CDH12: variants seen among roughly 807,000 people sequenced by gnomAD.
CDH12 encodes cadherin-12.
Under a neutral mutation model 74.1 loss-of-function variants are expected in CDH12, and 41 were observed. That is an observed-to-expected ratio of 0.55 (90% confidence interval 0.43 to 0.72). The LOEUF (loss-of-function observed/expected upper bound fraction) is 0.72, where lower values mean the gene tolerates loss of function less well. CDH12 is among the 30% of genes least tolerant of loss of function. The probability of loss-of-function intolerance (pLI) is 0.00; values close to 1 mark genes in which losing one functional copy is unlikely to be tolerated. For synonymous variants in CDH12, 399 were observed against 355.0 expected, an observed-to-expected ratio of 1.12 and a Z score of -1.39; for missense variants, 945 against 977.2, an observed-to-expected ratio of 0.97 and a Z score of 0.44.
At chr5:22,828,560 C>T (rs1736444138) in intron 1 of CDH12, among the ~76,000 whole-genome samples, 1 of 152,050 alleles carries the variant, frequency 6.6e-6, no homozygotes, top group Non-Finnish European at 1.5e-5. Context: ...GTGACTGAAT[C>T]CAATAACAGC....
intron 3 of CDH12, among the ~76,000 whole-genome samples, chr5:22,317,637 T>C (rs1426967586): frequency 6.6e-6 from 1 of 152,136 alleles, no homozygotes; most frequent in Non-Finnish European, 1.5e-5. Context: ...AATGACAAGT[T>C]CTATATACAT....
intron 7 of CDH12, among the ~76,000 whole-genome samples, chr5:21,849,871 T>C (rs548935133): frequency 6.6e-6 from 1 of 151,848 alleles, no homozygotes; most frequent in African/African-American, 2.4e-5. Flanking sequence ...ATTGCAACAT[T>C]ATTCCCAATA....
At chr5:21,994,167 C>A (rs538623248) in intron 5 of CDH12, among the ~76,000 whole-genome samples, 165 of 151,792 alleles carry the variant, frequency 1.1e-3, no homozygotes, top group Non-Finnish European at 1.9e-3. Context: ...TAATCATGGG[C>A]AGCTTTTTAG....
intron 1 of CDH12, among the ~76,000 whole-genome samples, chr5:22,538,921 G>A (rs980933817): frequency 5.3e-5 from 8 of 152,074 alleles, no homozygotes; most frequent in Non-Finnish European, 1.0e-4. Flanking sequence ...TTAGAGACAG[G>A]GTCTGATTTT....
At chr5:22,244,903 G>C (rs1752893732) in intron 3 of CDH12, among the ~76,000 whole-genome samples, 1 of 152,020 alleles carries the variant, frequency 6.6e-6, no homozygotes, top group South Asian at 2.1e-4. Flanking sequence ...GGTAATATTT[G>C]AGTATAGACC....
intron 3 of CDH12, among the ~76,000 whole-genome samples, chr5:22,300,540 A>G (rs1373769637): frequency 6.6e-6 from 1 of 152,216 alleles, no homozygotes; most frequent in African/African-American, 2.4e-5. Context: ...CAGCCCTGCC[A>G]TACTCCAGTT....
At chr5:21,846,602 CA>C (rs1750184248) in intron 7 of CDH12, among the ~76,000 whole-genome samples, 1 of 152,012 alleles carries the variant, frequency 6.6e-6, no homozygotes, top group South Asian at 2.1e-4. Flanking sequence ...GAATCTTAAT[CA>C]AAAAATAGAT....
chr5:22,109,816 C>T (rs776057184), intron 4 of CDH12, among the ~76,000 whole-genome samples: 1 of 152,120 alleles, frequency 6.6e-6, no homozygotes, highest in Non-Finnish European at 1.5e-5. Context: ...GTGAAAAATT[C>T]AATTGACATA....
intron 6 of CDH12, among the ~76,000 whole-genome samples, chr5:21,968,712 G>A (rs957632414): frequency 5.9e-5 from 9 of 152,134 alleles, no homozygotes; most frequent in South Asian, 2.1e-4. Flanking sequence ...TTTGGTGAGT[G>A]TGTAGTAAGT....
chr5:22,627,851 G>T (rs1017355649), intron 1 of CDH12, among the ~76,000 whole-genome samples: 2 of 151,922 alleles, frequency 1.3e-5, no homozygotes, highest in African/African-American at 4.8e-5. Context: ...CATCTCACAT[G>T]CAATTGACAC....
intron 3 of CDH12, among the ~76,000 whole-genome samples, chr5:22,342,299 T>C (rs1355436360): frequency 6.6e-6 from 1 of 152,176 alleles, no homozygotes; most frequent in Non-Finnish European, 1.5e-5. Context: ...GTGTTCTCAA[T>C]ACTGTATCAC....
At chr5:22,034,873 G>A (rs4076874) in intron 5 of CDH12, among the ~76,000 whole-genome samples, 33,713 of 152,000 alleles carry the variant, frequency 0.22, 3,845 homozygotes, top group South Asian at 0.33. Flanking sequence ...GCTTTTTGAT[G>A]TCCTGAATAA....
At chr5:22,258,286 G>A (rs529687245) in intron 3 of CDH12, among the ~76,000 whole-genome samples, 12 of 151,990 alleles carry the variant, frequency 7.9e-5, no homozygotes, top group South Asian at 2.1e-4. Flanking sequence ...TCTCAGGCCC[G>A]TGCCCATCCT....
At chr5:22,184,221 T>C (rs889720063) in intron 4 of CDH12, among the ~76,000 whole-genome samples, 1 of 152,190 alleles carries the variant, frequency 6.6e-6, no homozygotes, top group African/African-American at 2.4e-5. Flanking sequence ...TTTTGGCATG[T>C]AACACATGCC....
chr5:22,542,689 G>A (rs1738160049), intron 1 of CDH12, among the ~76,000 whole-genome samples: 1 of 152,192 alleles, frequency 6.6e-6, no homozygotes, highest in South Asian at 2.1e-4. Context: ...TGAGGTGCAA[G>A]AGCAATGAAG....
intron 3 of CDH12, among the ~76,000 whole-genome samples, chr5:22,393,988 T>G (rs1742352762): frequency 6.6e-6 from 1 of 152,006 alleles, no homozygotes; most frequent in African/African-American, 2.4e-5. Flanking sequence ...TATTGAAAAC[T>G]GTGAGAGAAA....
chr5:22,319,585 C>T (rs2150435885), intron 3 of CDH12, among the ~76,000 whole-genome samples: 1 of 152,196 alleles, frequency 6.6e-6, no homozygotes. Flanking sequence ...TAGATAAAAT[C>T]AGGAGGTTCA....
chr5:22,160,392 C>T (rs566763968), intron 4 of CDH12, among the ~76,000 whole-genome samples: 6 of 151,990 alleles, frequency 3.9e-5, no homozygotes, highest in Non-Finnish European at 8.8e-5. Flanking sequence ...GCCCTTGGTT[C>T]TCCTAGACTT....
At chr5:21,992,089 A>G (rs1343481000) in intron 5 of CDH12, among the ~76,000 whole-genome samples, 2 of 152,012 alleles carry the variant, frequency 1.3e-5, no homozygotes, top group African/African-American at 4.8e-5. Flanking sequence ...ATTTTTTTAA[A>G]GCTCTCATTA....
Sources: allele counts gnomAD v4.1 joint callset (sites outside exome capture counted in the v4.1 genomes callset), GRCh38; gene constraint gnomAD v4.1.1; transcripts MANE v1.5; gene names NCBI Gene and HGNC (gene_info 2026-07-23, HGNC 2026-07-21).